The following CCDC142 variants were observed in gnomAD, a reference collection of about 807,000 sequenced individuals.
The protein encoded by CCDC142 is coiled-coil domain containing 142.
A neutral mutation model predicts 83.8 loss-of-function variants in CCDC142; 67 were observed. The observed-to-expected ratio is 0.80, with a 90% confidence interval of 0.66 to 0.98. The LOEUF is 0.98. Among genes scored for constraint, CCDC142 ranks in the 50% least tolerant of loss-of-function variants. The pLI is 0.00. For missense variants in CCDC142, 905 were observed against 946.8 expected, an observed-to-expected ratio of 0.96 and a Z score of 0.58; for synonymous variants, 421 against 421.2, an observed-to-expected ratio of 1.00 and a Z score of 0.01.
chr2:74,481,277 G>C lies in CCDC142; in HGVS notation c.1204C>G (p.Leu402Val), dbSNP rs1672445921. ...AELLQQLFPPLLDALREPRLR... is the reference protein window; with the variant it reads ...AELLQQLFPPVLDALREPRLR... ...CTGGGCTCTCGAAGGGCATCCAAGA[G>C]AGGAGGAAAGAGCTGCTGCAAAAGT... Residue 402 changes from leucine to valine, a missense_variant, in exon 3 of 9, where the codon CTC (leucine) becomes GTC (valine). Coordinates refer to ENST00000393965, the MANE Select transcript of CCDC142 (RefSeq NM_001365575.2). 1 of 1,614,054 alleles carries C rather than the reference G, an allele frequency of 6.2e-7. No individual in the cohort carries two copies. Among genetic ancestry groups the C allele is most frequent in the Admixed American group, 1.7e-5 (1 of 60,008 alleles).
intron 5 of CCDC142, among the ~76,000 whole-genome samples, chr2:74,477,573 C>T (rs1672351252): frequency 6.6e-6 from 1 of 152,170 alleles, no homozygotes; most frequent in Non-Finnish European, 1.5e-5. Flanking sequence ...CTCTCTGCTA[C>T]CCCCACAAGG....
chr2:74,479,804 T>C (rs1672404263), intron 5 of CCDC142, among the ~76,000 whole-genome samples: 2 of 152,040 alleles, frequency 1.3e-5, no homozygotes. Context: ...TTGCCTAGGG[T>C]GGTCTCGCTA....
chr2:74,474,463 C>A lies in CCDC142; in HGVS notation c.*83G>T. Reference sequence around the variant, plus strand: ...CCTCCAAGCTTCCAGTTCTGGGCTTCCTTAATATGCAATTCCAAATGTCTG... The same window carrying A: ...CCTCCAAGCTTCCAGTTCTGGGCTTACTTAATATGCAATTCCAAATGTCTG... On this transcript the variant is annotated 3_prime_UTR_variant, in exon 9 of 9. Coordinates refer to ENST00000393965, the MANE Select transcript of CCDC142 (RefSeq NM_001365575.2). The A allele has an allele frequency of 2.0e-6, 3 of 1,468,526 alleles. No individual in the cohort carries two copies. The highest frequency in any genetic ancestry group is 2.7e-6 in the Non-Finnish European group (3 of 1,103,940). 91.0% of individuals were successfully genotyped at this position (1,468,526 alleles called of 1,614,324 possible).
In CCDC142 at chr2:74,482,619, G is replaced by T. The variant is rs1011507262; in HGVS notation, c.219C>A (p.Ala73=). 1 of 1,609,038 alleles carries T rather than the reference G, an allele frequency of 6.2e-7. No homozygotes were observed. ...CGCCACCTGCGGGCCCCCGCCTCCA[G>T]GCCGCAGCATCAGCCTCGTAGTCCT... ...VSEDYEADAA[A]WRRGPAGGGP... The change falls in exon 1 of 9, where the codon GCC becomes GCA. Residue 73 remains alanine (A), a synonymous_variant. Transcript: ENST00000393965. The surrounding 1 kb of genome is among the most constrained non-coding windows in gnomAD (Gnocchi z 5.0).
At chr2:74,481,152 T>G (rs769011108) in intron 3 of CCDC142, 66 bp from the exon 4 acceptor site, 67 of 1,611,200 alleles carry the variant, frequency 4.2e-5, no homozygotes, top group Non-Finnish European at 4.9e-5. Context: ...AGAGGCAGAT[T>G]TCAGAACAGA....
chr2:74,475,820 C>T, intron 5 of CCDC142, 94 bp from the exon 6 acceptor site: 1 of 765,246 alleles, frequency 1.3e-6, no homozygotes, highest in South Asian at 1.7e-5. Flanking sequence ...ATCCATAAAA[C>T]CCCAGAATTG....
chr2:74,474,880 G>A (rs1672283784), intron 8 of CCDC142, 36 bp downstream of exon 8: 1 of 1,579,450 alleles, frequency 6.3e-7, no homozygotes, highest in Admixed American at 1.8e-5. Flanking sequence ...TAGGGTTTGG[G>A]ACACACAAAG....
intron 1 of CCDC142, 130 bp from the exon 2 acceptor site, chr2:74,481,668 C>A: frequency 7.3e-7 from 1 of 1,366,250 alleles, no homozygotes; most frequent in Non-Finnish European, 1.0e-6. Context: ...CAAGACTTTG[C>A]CTTGAAAGCT....
chr2:74,475,979 G>A (rs1254055698), intron 5 of CCDC142, among the ~76,000 whole-genome samples: 1 of 150,744 alleles, frequency 6.6e-6, no homozygotes, highest in Non-Finnish European at 1.5e-5. Context: ...GAAAATCCTT[G>A]AGGTTAATTT....
chr2:74,475,471 A>G (rs1192331951), intron 6 of CCDC142, 69 bp from the exon 7 acceptor site: 2 of 1,509,094 alleles, frequency 1.3e-6, no homozygotes, highest in African/African-American at 1.4e-5. Context: ...TGTTTGGGAG[A>G]AGAGGGTAGG....
chr2:74,480,590 C>CAA (rs374053495), intron 5 of CCDC142, among the ~76,000 whole-genome samples, 179 bp downstream of exon 5: 9 of 56,000 alleles, frequency 1.6e-4, no homozygotes, highest in Admixed American at 3.9e-4. Context: ...GACCCTGTCT[C>CAA]AAAAAAAAAA....
At position 74,482,881 on chromosome 2, in the gene CCDC142, G is replaced by A. The variant is rs1478828841; in HGVS notation, c.-44C>T. On this transcript the variant is annotated 5_prime_UTR_variant, in exon 1 of 9. An upstream open reading frame in the 5' UTR gains an earlier in-frame stop. Coordinates refer to ENST00000393965, the MANE Select transcript of CCDC142 (RefSeq NM_001365575.2). The surrounding 1 kb of genome is among the most constrained non-coding windows in gnomAD (Gnocchi z 5.0). ...CGAACCTAACGATTCCCACTTCCCT[G>A]CACGGACCAACGCCCGCCGCAGCTC... 1.9e-6 allele frequency: 3 copies of A among 1,576,050 alleles called. No individual in the cohort carries two copies. The highest frequency in any genetic ancestry group is 1.1e-5 in the South Asian group (1 of 87,000).
chr2:74,477,122 CTTTT>C (rs201019144), intron 5 of CCDC142, among the ~76,000 whole-genome samples: 1 of 145,628 alleles, frequency 6.9e-6, no homozygotes. Flanking sequence ...CACAATGCCT[CTTTT>C]TTTTTTTTTG....
At chr2:74,478,004 A>G (rs894438845) in intron 5 of CCDC142, among the ~76,000 whole-genome samples, 14 of 147,372 alleles carry the variant, frequency 9.5e-5, no homozygotes, top group Non-Finnish European at 1.8e-4. Flanking sequence ...AAAAATATAT[A>G]TATATATAAA....
Position 74,482,938 on chromosome 2 carries a change from C to G in CCDC142, c.-101G>C. 1.9e-6 allele frequency: 3 copies of G among 1,561,876 alleles called. No individual in the cohort carries two copies. Among genetic ancestry groups the G allele is most frequent in the Non-Finnish European group, 2.6e-6 (3 of 1,147,900 alleles). ...CGCCCCATCGCAAGAGCCGTTTTCT[C>G]CAGTCCGGGAGTCGCGGGGACCTTC... On this transcript the variant is annotated 5_prime_UTR_variant, in exon 1 of 9. Transcript: ENST00000393965. This position sits in a 1 kb window ranked among gnomAD's most constrained non-coding sequence, Gnocchi z 5.0.
rs1231626111 is a variant in CCDC142 at position 74,482,679 on chromosome 2, C to T, written c.159G>A (p.Gly53=). The change falls in exon 1 of 9, where the codon GGG becomes GGA. Residue 53 remains glycine (G), a synonymous_variant. Coordinates refer to ENST00000393965, the MANE Select transcript of CCDC142 (RefSeq NM_001365575.2). The surrounding 1 kb of genome is among the most constrained non-coding windows in gnomAD (Gnocchi z 5.0). The stretch of plus-strand genomic sequence containing the variant: ...CCGCCGGCGTCGGCCACCACGGCGT[C>T]CCTCCAGAAGTTCCGCTCGGCCAGC... ...VHCWPSGTSG[G]TPWWPTPADV... is the part of the protein sequence containing the mutation. 1 of 1,610,680 alleles carries T rather than the reference C, an allele frequency of 6.2e-7. No individual in the cohort carries two copies. Among genetic ancestry groups the T allele is most frequent in the Admixed American group, 1.7e-5 (1 of 60,028 alleles).
intron 3 of CCDC142, 67 bp downstream of exon 3, chr2:74,481,156 G>T: frequency 6.2e-7 from 1 of 1,610,840 alleles, no homozygotes; most frequent in Non-Finnish European, 8.5e-7. Context: ...GCAGATTTCA[G>T]AACAGAGTGA....
chr2:74,481,151 T>G, intron 3 of CCDC142, 65 bp from the exon 4 acceptor site: 1 of 1,611,296 alleles, frequency 6.2e-7, no homozygotes, highest in South Asian at 1.1e-5. Context: ...AAGAGGCAGA[T>G]TTCAGAACAG....
At position 74,481,197 on chromosome 2, in the gene CCDC142, T is replaced by TCCCCAG. The variant is rs778607960; in HGVS notation, c.1258+20_1258+25dup. 4.3e-6 allele frequency: 7 copies of TCCCCAG among 1,613,552 alleles called. No homozygotes were observed. The South Asian group carries it at 6.6e-5, about 15-fold the overall frequency. On this transcript the variant is annotated intron_variant, in intron 3 of 8. Transcript: ENST00000393965. ...AAGAGATATCCTCAACTGCTCTGTG[T>TCCCCAG]CCCCAGCCCCAGCCCCTCGTCTCAC...
Sources: gnomAD v4.1 joint callset for allele counts (sites outside exome capture counted in the v4.1 genomes callset) on GRCh38, gnomAD v4.1.1 for gene constraint, Gnocchi (gnomAD v3.1) non-coding constraint, MANE v1.5 for transcripts, NCBI Gene and HGNC (gene_info 2026-07-23, HGNC 2026-07-21) for gene names.